SEMA4D: variants seen among roughly 807,000 people sequenced by gnomAD.
SEMA4D encodes semaphorin-4D.
Under a neutral mutation model 74.8 loss-of-function variants are expected in SEMA4D, and 22 were observed. That is an observed-to-expected ratio of 0.29 (90% CI 0.21 to 0.42). SEMA4D has a LOEUF of 0.42. SEMA4D is among the 10% of genes least tolerant of loss of function. The probability of loss-of-function intolerance (pLI) is 1.00; values close to 1 mark genes in which losing one functional copy is unlikely to be tolerated. For missense variants in SEMA4D, 937 were observed against 1,118.4 expected (o/e 0.84, Z 2.31); for synonymous variants, 445 against 463.7 (o/e 0.96, Z 0.52).
At position 89,398,951 on chromosome 9, in the gene SEMA4D, C is replaced by T. The variant is rs1841600827; in HGVS notation, c.315+325G>A. Among the ~76,000 whole-genome samples, 4 of 152,272 alleles carry T rather than the reference C, an allele frequency of 2.6e-5. No homozygotes were observed. The South Asian group carries it at 8.3e-4, about 32-fold the overall frequency. On this transcript the variant is annotated intron_variant, in intron 5 of 15. Coordinates refer to ENST00000422704, the MANE Select transcript of SEMA4D (RefSeq NM_001371194.2). ...AGGCAGAACAAACCCTGAATTTCTG[C>T]ACTATTCACCAGTGGGCTTCACTAT...
At chr9:89,404,473 A>G (rs561811311) in intron 3 of SEMA4D, among the ~76,000 whole-genome samples, 1 of 152,316 alleles carries the variant, frequency 6.6e-6, no homozygotes, top group African/African-American at 2.4e-5. Flanking sequence ...TTCTCAGAGC[A>G]GAGAATCCAA....
chr9:89,467,567 T>A (rs1859086249), intron 1 of SEMA4D, among the ~76,000 whole-genome samples: 1 of 149,632 alleles, frequency 6.7e-6, no homozygotes. Flanking sequence ...AATCTCACTC[T>A]GTTGCCCAGG....
intron 2 of SEMA4D, among the ~76,000 whole-genome samples, chr9:89,445,030 C>T (rs1445577036): frequency 1.3e-5 from 2 of 152,160 alleles, no homozygotes; most frequent in African/African-American, 4.8e-5. Flanking sequence ...GGATGCGACA[C>T]TCACCAGGAT....
chr9:89,376,700 G>C, downstream of SEMA4D: 1 of 1,317,148 alleles, frequency 7.6e-7, no homozygotes. Context: ...GGCTCAACCC[G>C]AGGGACGCAG....
chr9:89,452,117 C>T (rs1260057951), intron 2 of SEMA4D, among the ~76,000 whole-genome samples: 2 of 152,050 alleles, frequency 1.3e-5, no homozygotes, highest in Non-Finnish European at 2.9e-5. Flanking sequence ...GCCACCGGCC[C>T]CTCCTGTGTG....
At chr9:89,438,564 G>A (rs957287449) in intron 2 of SEMA4D, among the ~76,000 whole-genome samples, 2 of 152,338 alleles carry the variant, frequency 1.3e-5, no homozygotes, top group African/African-American at 2.4e-5. Context: ...TTATTCTGTC[G>A]TTCCTGAGAC....
At chr9:89,466,257 T>C (rs2135832179) in intron 1 of SEMA4D, among the ~76,000 whole-genome samples, 1 of 152,238 alleles carries the variant, frequency 6.6e-6, no homozygotes, top group East Asian at 1.9e-4. Flanking sequence ...GTACAAAAAA[T>C]AGGGTGATCA....
exon 19 of SEMA4D, chr9:89,360,965 A>G (rs1697322952): frequency 6.6e-6 from 1 of 152,220 alleles, no homozygotes; most frequent in South Asian, 2.1e-4. Flanking sequence ...GAGACAGAAA[A>G]CAGCACCAAG....
chr9:89,364,390 C>T (rs908345058), intron 16 of SEMA4D: 18 of 270,414 alleles, frequency 6.7e-5, no homozygotes, highest in Admixed American at 2.7e-4. Context: ...GCCCAGAGCT[C>T]GGCCAGCTGT....
In SEMA4D at chr9:89,418,264, T is replaced by A. The variant is rs115434358; in HGVS notation, c.-243-12565A>T. On this transcript the variant is annotated intron_variant, in intron 2 of 15. Coordinates refer to ENST00000422704, the MANE Select transcript of SEMA4D (RefSeq NM_001371194.2). ...TCCTTAGACGCAGGATCAGCTTGGC[T>A]TGCATGTGCTGGGGAAGACAGCACT... The A allele has an allele frequency of 1.7e-4, 126 of 725,238 alleles. No homozygotes were observed. The African/African-American group carries it at 2.3e-3, about 13-fold the overall frequency. 44.9% of individuals were successfully genotyped at this position (725,238 alleles called of 1,614,324 possible).
chr9:89,480,821 T>C (rs939087930), intron 1 of SEMA4D, among the ~76,000 whole-genome samples: 1 of 152,014 alleles, frequency 6.6e-6, no homozygotes, highest in Non-Finnish European at 1.5e-5. Flanking sequence ...CCCTACAAAC[T>C]GGGGGAGTGG....
At chr9:89,391,129 G>C (rs575836088) in intron 9 of SEMA4D, 135 bp downstream of exon 9, 10 of 841,940 alleles carry the variant, frequency 1.2e-5, no homozygotes, top group African/African-American at 1.0e-4. Context: ...GATCCATTGA[G>C]AGCTGCATCT....
intron 1 of SEMA4D, among the ~76,000 whole-genome samples, chr9:89,490,832 G>C (rs1446082416): frequency 6.6e-6 from 1 of 152,102 alleles, no homozygotes; most frequent in Non-Finnish European, 1.5e-5. Flanking sequence ...GGAAGAGGGG[G>C]TTGAGTGAAA....
At chr9:89,474,780 C>T (rs142457901) in intron 1 of SEMA4D, among the ~76,000 whole-genome samples, 210 of 152,360 alleles carry the variant, frequency 1.4e-3, no homozygotes, top group African/African-American at 4.7e-3. Flanking sequence ...CACACCACCA[C>T]GTTCCTCCTG....
Position 89,478,008 on chromosome 9 carries a change from A to G in SEMA4D, c.-310+19911T>C, listed in dbSNP as rs537641075. ...GAGTTTCCACTGTACTCTTATTTCT[A>G]CAGCTTCCCACAAAGGCAAAAAGCA... On this transcript the variant is annotated intron_variant, in intron 1 of 15. Coordinates refer to ENST00000422704, the MANE Select transcript of SEMA4D (RefSeq NM_001371194.2). Among the ~76,000 whole-genome samples, 7 of 152,266 alleles carry G rather than the reference A, an allele frequency of 4.6e-5. No homozygotes were observed. In the South Asian group the frequency reaches 1.5e-3, roughly 32 times the overall value.
chr9:89,497,034 A>G (rs1401316175), intron 1 of SEMA4D, among the ~76,000 whole-genome samples: 1 of 152,192 alleles, frequency 6.6e-6, no homozygotes, highest in Non-Finnish European at 1.5e-5. Flanking sequence ...ACCTTCCGGA[A>G]AGCAGGACCC....
At chr9:89,387,234 C>A in intron 12 of SEMA4D, 152 bp downstream of exon 12, 1 of 632,492 alleles carries the variant, frequency 1.6e-6, no homozygotes, top group Non-Finnish European at 2.7e-6. Context: ...GGTGACTTCT[C>A]AGAAATCTTC....
At chr9:89,461,733 C>T (rs1187127333) in intron 1 of SEMA4D, among the ~76,000 whole-genome samples, 8 of 110,872 alleles carry the variant, frequency 7.2e-5, no homozygotes, top group Non-Finnish European at 1.3e-4. Flanking sequence ...GACAGAGTCT[C>T]GCTCTCCCTC....
chr9:89,398,654 AAG>A (rs745467557), intron 5 of SEMA4D, among the ~76,000 whole-genome samples: 4 of 152,186 alleles, frequency 2.6e-5, no homozygotes, highest in Admixed American at 6.5e-5. Context: ...GAACAGAGAT[AAG>A]AGAGCACTGT....
Sources: allele counts gnomAD v4.1 joint callset (sites outside exome capture counted in the v4.1 genomes callset), GRCh38; gene constraint gnomAD v4.1.1; transcripts MANE v1.5; gene names NCBI Gene and HGNC (gene_info 2026-07-23, HGNC 2026-07-21).